Variants in DAB1 observed in about 807,000 individuals in gnomAD.
DAB1 encodes the protein disabled homolog 1.
Under a neutral mutation model 64.6 loss-of-function variants are expected in DAB1, and 15 were observed. The ratio of observed to expected loss-of-function variants is 0.23; its 90% confidence interval spans 0.16 to 0.36. DAB1 has a LOEUF of 0.36. DAB1 is among the 10% of genes least tolerant of loss of function. The pLI is 1.00. For missense variants in DAB1, 596 were observed against 706.7 expected (o/e 0.84, Z 1.78); for synonymous variants, 235 against 251.9 (o/e 0.93, Z 0.64).
At chr1:58,204,648 C>T (rs920463082) in intron 4 of DAB1, among the ~76,000 whole-genome samples, 3 of 152,196 alleles carry the variant, frequency 2.0e-5, no homozygotes, top group Non-Finnish European at 4.4e-5. Context: ...AATGAAGAAG[C>T]TGAGGTATTT....
At chr1:57,498,350 G>A (rs1229972765) in intron 7 of DAB1, among the ~76,000 whole-genome samples, 1 of 152,114 alleles carries the variant, frequency 6.6e-6, no homozygotes, top group Non-Finnish European at 1.5e-5. Context: ...GTGATGAGAA[G>A]GTGCCCATGG....
At chr1:57,912,831 C>T (rs1363618507) in intron 5 of DAB1, among the ~76,000 whole-genome samples, 2 of 152,280 alleles carry the variant, frequency 1.3e-5, no homozygotes, top group African/African-American at 4.8e-5. Flanking sequence ...CATGAGTGAA[C>T]TCCCATTCAC....
At chr1:57,514,488 A>G (rs1644441977) in intron 7 of DAB1, among the ~76,000 whole-genome samples, 1 of 152,192 alleles carries the variant, frequency 6.6e-6, no homozygotes, top group Non-Finnish European at 1.5e-5. Context: ...CTAAACTAGA[A>G]TGTAAGCTTC....
Position 57,541,423 on chromosome 1 carries a change from C to T in DAB1, n.625+108169G>A, listed in dbSNP as rs556996406. On this transcript the variant is annotated intron_variant and non_coding_transcript_variant, in intron 7 of 20. Coordinates refer to the DAB1 transcript ENST00000485760. ...GGATTATAGGCGTGAGCCACCGCAC[C>T]CAGCCAATAAAAACTTTAAAAATTC... 3.4e-4 allele frequency among the ~76,000 whole-genome samples: 52 copies of T among 152,264 alleles called. No homozygotes were observed. In the South Asian group the frequency reaches 0.011, roughly 32 times the overall value.
chr1:57,645,431 C>T (rs183447427), intron 7 of DAB1, among the ~76,000 whole-genome samples: 2 of 152,122 alleles, frequency 1.3e-5, no homozygotes, highest in African/African-American at 4.8e-5. Flanking sequence ...TGTTTCTCTG[C>T]CCCTAGGAAT....
intron 4 of DAB1, among the ~76,000 whole-genome samples, chr1:57,117,423 A>G (rs1205330960): frequency 1.3e-5 from 2 of 152,208 alleles, no homozygotes; most frequent in Admixed American, 6.5e-5. Flanking sequence ...GATGAAGACA[A>G]TGAGGCTCAG....
At chr1:58,223,055 C>T (rs1557702340) in intron 4 of DAB1, among the ~76,000 whole-genome samples, 1 of 152,174 alleles carries the variant, frequency 6.6e-6, no homozygotes, top group African/African-American at 2.4e-5. Context: ...TGCATTCATA[C>T]ATGTCTTCTA....
intron 2 of DAB1, among the ~76,000 whole-genome samples, chr1:57,165,971 A>T (rs955432502): frequency 2.2e-4 from 34 of 152,246 alleles, no homozygotes; most frequent in Admixed American, 2.2e-3. Flanking sequence ...GGCTGGCTGC[A>T]TGAATCAGGC....
At chr1:57,989,680 G>A (rs957444289) in intron 5 of DAB1, among the ~76,000 whole-genome samples, 3 of 152,120 alleles carry the variant, frequency 2.0e-5, no homozygotes, top group African/African-American at 7.2e-5. Context: ...AACATCTGTA[G>A]CCCAAACATG....
intron 6 of DAB1, among the ~76,000 whole-genome samples, chr1:57,716,691 C>G (rs1354549168): frequency 1.3e-5 from 2 of 152,068 alleles, no homozygotes; most frequent in Non-Finnish European, 2.9e-5. Flanking sequence ...TGTTAAAATA[C>G]GACTTCAAAA....
chr1:57,666,203 G>A (rs1369365732), intron 6 of DAB1, among the ~76,000 whole-genome samples: 1 of 151,350 alleles, frequency 6.6e-6, no homozygotes, highest in Non-Finnish European at 1.5e-5. Context: ...AACCATGCAA[G>A]GAAATAAGAA....
chr1:58,132,253 C>T (rs1007874107), intron 5 of DAB1, among the ~76,000 whole-genome samples: 3 of 152,184 alleles, frequency 2.0e-5, no homozygotes, highest in Non-Finnish European at 2.9e-5. Context: ...TTCTTTGACT[C>T]AGAAAGGGAA....
chr1:57,589,180 A>G (rs913564886), intron 7 of DAB1, among the ~76,000 whole-genome samples: 1 of 152,186 alleles, frequency 6.6e-6, no homozygotes, highest in Non-Finnish European at 1.5e-5. Context: ...AGATCATGCC[A>G]TTGCACTCCA....
chr1:57,607,120 A>G (rs951924574), intron 7 of DAB1, among the ~76,000 whole-genome samples: 2 of 152,100 alleles, frequency 1.3e-5, no homozygotes, highest in African/African-American at 4.8e-5. Flanking sequence ...GTGTTGGTGA[A>G]TCATTAAATC....
chr1:57,032,645 G>T (rs1250140726), intron 9 of DAB1, among the ~76,000 whole-genome samples: 10 of 152,260 alleles, frequency 6.6e-5, no homozygotes, highest in Admixed American at 3.3e-4. Flanking sequence ...ATTGATGCCT[G>T]GTTCCCACCC....
intron 3 of DAB1, among the ~76,000 whole-genome samples, chr1:58,431,182 TG>T (rs1644866687): frequency 6.6e-6 from 1 of 152,124 alleles, no homozygotes; most frequent in Non-Finnish European, 1.5e-5. Flanking sequence ...GTACCAAAAA[TG>T]GCTTCTCTGT....
intron 5 of DAB1, among the ~76,000 whole-genome samples, chr1:57,895,734 T>C (rs1211985190): frequency 6.6e-6 from 1 of 152,154 alleles, no homozygotes; most frequent in African/African-American, 2.4e-5. Context: ...CTGCCTGCCA[T>C]TATGGAGTAA....
At chr1:58,055,333 C>G (rs1647983218) in intron 5 of DAB1, among the ~76,000 whole-genome samples, 1 of 152,170 alleles carries the variant, frequency 6.6e-6, no homozygotes, top group South Asian at 2.1e-4. Context: ...TTCCTTCTAC[C>G]TGAAACTCTC....
chr1:57,045,290 G>A (rs1455196143), intron 9 of DAB1, among the ~76,000 whole-genome samples: 2 of 152,156 alleles, frequency 1.3e-5, no homozygotes. Context: ...TAGTATAAGG[G>A]CTATCCCTAT....
Sources: gnomAD v4.1 joint callset for allele counts (sites outside exome capture counted in the v4.1 genomes callset) on GRCh38, gnomAD v4.1.1 for gene constraint, MANE v1.5 for transcripts, NCBI Gene and HGNC (gene_info 2026-07-23, HGNC 2026-07-21) for gene names.